Variants in SVOP observed in about 807,000 individuals in gnomAD.
The protein encoded by SVOP is SV2 related protein, also known as synaptic vesicle 2-related protein.
SVOP carries 17 observed loss-of-function variants against 69.1 expected under a neutral mutation model. The observed-to-expected ratio is 0.25, with a 90% CI of 0.17 to 0.37. The LOEUF is 0.37. Among genes scored for constraint, SVOP ranks in the 10% least tolerant of loss-of-function variants. SVOP has a pLI of 1.00. For synonymous variants in SVOP, 238 were observed against 238.6 expected, an observed-to-expected ratio of 1.00 and a Z score of 0.02; for missense variants, 435 against 597.5, an observed-to-expected ratio of 0.73 and a Z score of 2.84.
chr12:108,982,849 CACT>C (rs2040147317), intron 2 of SVOP, among the ~76,000 whole-genome samples: 33 of 135,416 alleles, frequency 2.4e-4, no homozygotes, highest in African/African-American at 3.4e-4. Context: ...TCATCATCAT[CACT>C]ATCATCACCA....
intron 7 of SVOP, among the ~76,000 whole-genome samples, chr12:108,941,644 G>A (rs754994842): frequency 2.6e-5 from 4 of 151,654 alleles, no homozygotes; most frequent in African/African-American, 9.7e-5. Context: ...ATTTGCAAAC[G>A]TGAAAGTCTG....
At chr12:108,978,869 A>G (rs2040120683) in intron 2 of SVOP, among the ~76,000 whole-genome samples, 1 of 152,260 alleles carries the variant, frequency 6.6e-6, no homozygotes, top group African/African-American at 2.4e-5. Flanking sequence ...AAAAACCCAG[A>G]ATGTCCATCA....
intron 7 of SVOP, 81 bp from the exon 8 acceptor site, chr12:108,940,990 G>C: frequency 6.7e-7 from 1 of 1,484,820 alleles, no homozygotes; most frequent in Non-Finnish European, 9.0e-7. Context: ...GTGGACAAGG[G>C]TATCTCTGTG....
At chr12:108,966,678 C>T (rs1360736948) in intron 5 of SVOP, among the ~76,000 whole-genome samples, 1 of 152,070 alleles carries the variant, frequency 6.6e-6, no homozygotes, top group African/African-American at 2.4e-5. Context: ...TTTCTCTTTC[C>T]CTCTGGTCAG....
intron 6 of SVOP, among the ~76,000 whole-genome samples, chr12:108,956,863 A>T (rs2039988453): frequency 6.6e-6 from 1 of 152,124 alleles, no homozygotes; most frequent in East Asian, 1.9e-4. Flanking sequence ...ATGGAACAGG[A>T]CTCTGAAGGT....
intron 1 of SVOP, among the ~76,000 whole-genome samples, chr12:108,984,187 C>A (rs1046265941): frequency 5.3e-5 from 8 of 152,114 alleles, no homozygotes; most frequent in African/African-American, 1.2e-4. Context: ...AAAGTGGATG[C>A]CATTTTTTAG....
At chr12:108,927,576 A>ACTCT (rs1318775125) in intron 11 of SVOP, among the ~76,000 whole-genome samples, 4 of 131,654 alleles carry the variant, frequency 3.0e-5, no homozygotes, top group African/African-American at 1.1e-4. Flanking sequence ...AATGACAAAG[A>ACTCT]CTCTCTCTCT....
chr12:108,960,659 C>G (rs1006652121), intron 6 of SVOP, among the ~76,000 whole-genome samples: 1 of 152,180 alleles, frequency 6.6e-6, no homozygotes, highest in African/African-American at 2.4e-5. Context: ...CCAAGTGGAA[C>G]AGTCAATCAA....
intron 2 of SVOP, 140 bp from the exon 3 acceptor site, chr12:108,978,803 T>C: frequency 1.8e-6 from 1 of 570,472 alleles, no homozygotes; most frequent in Non-Finnish European, 3.1e-6. Flanking sequence ...TAGAAAAATA[T>C]TCCAGTGTGA....
chr12:108,913,158 G>A (rs2039695354), intron 15 of SVOP, among the ~76,000 whole-genome samples: 2 of 151,830 alleles, frequency 1.3e-5, no homozygotes, highest in South Asian at 4.2e-4. Flanking sequence ...CGCAACCTCC[G>A]CCTTCAGGGT....
chr12:108,961,123 G>T, intron 5 of SVOP, 76 bp from the exon 6 acceptor site: 1 of 1,457,576 alleles, frequency 6.9e-7, no homozygotes, highest in South Asian at 1.4e-5. Flanking sequence ...ACTGAGAGCC[G>T]CCGATAATGG....
rs761653706 is a variant in SVOP at position 108,938,861 on chromosome 12, G to A, written c.863C>T (p.Pro288Leu). 1.2e-6 allele frequency: 2 copies of A among 1,614,004 alleles called. No individual in the cohort carries two copies. The highest frequency in any genetic ancestry group is 1.7e-6 in the Non-Finnish European group (2 of 1,179,892). The change falls in exon 9 of 16, where the codon CCC (proline) becomes CTC (leucine). Residue 288 changes from proline to leucine, a missense_variant. Transcript: ENST00000610966. ...GATGATGAGTTTCCCCAGCGGCATGGGAGCTCCGTTTTCAGTTGCTATCCT... is the reference window on the plus strand; with the variant it reads ...GATGATGAGTTTCCCCAGCGGCATGAGAGCTCCGTTTTCAGTTGCTATCCT... ...LKRIATENGA[P>L]MPLGKLIISR...
At chr12:109,016,223 G>T (rs999792610) in intron 1 of SVOP, among the ~76,000 whole-genome samples, 1 of 152,260 alleles carries the variant, frequency 6.6e-6, no homozygotes, top group Admixed American at 6.5e-5. Context: ...GCCTTGGGGA[G>T]AAGAAGGCTT....
intron 11 of SVOP, among the ~76,000 whole-genome samples, 163 bp downstream of exon 11, chr12:108,934,032 C>T (rs2039840545): frequency 6.6e-6 from 1 of 152,180 alleles, no homozygotes; most frequent in Non-Finnish European, 1.5e-5. Context: ...TTAGCTCCAT[C>T]GCGACAAGAC....
Position 109,009,322 on chromosome 12 carries a change from C to T in SVOP, c.35+11512G>A, listed in dbSNP as rs140302690. Among the ~76,000 whole-genome samples the T allele has an allele frequency of 4.5e-3, 680 of 152,220 alleles. 9 individuals carry two copies. Among genetic ancestry groups the T allele is most frequent in the African/African-American group, 0.016 (651 of 41,552 alleles). Reference sequence around the variant, plus strand: ...AACAACCATACAGAGGGGACCCTCTCTGTGTCAGATTTGAGTTCTTGCCCC... The same window carrying T: ...AACAACCATACAGAGGGGACCCTCTTTGTGTCAGATTTGAGTTCTTGCCCC... On this transcript the variant is annotated intron_variant, in intron 1 of 15. Coordinates refer to ENST00000610966, the MANE Select transcript of SVOP (RefSeq NM_018711.5).
intron 1 of SVOP, among the ~76,000 whole-genome samples, chr12:109,010,035 A>G (rs895439844): frequency 2.0e-5 from 3 of 150,010 alleles, no homozygotes; most frequent in African/African-American, 7.4e-5. Flanking sequence ...AGGCGGGAGG[A>G]TTGCTAGAGC....
chr12:108,950,254 T>C (rs2039946848), intron 6 of SVOP, among the ~76,000 whole-genome samples: 1 of 151,634 alleles, frequency 6.6e-6, no homozygotes, highest in Admixed American at 6.6e-5. Context: ...TCTTTTTTTT[T>C]TTTTTGTAGA....
chr12:109,008,566 C>A (rs938946910), intron 1 of SVOP, among the ~76,000 whole-genome samples: 42 of 152,114 alleles, frequency 2.8e-4, no homozygotes, highest in Non-Finnish European at 1.0e-4. Context: ...TAGCTTATAT[C>A]CTGGACAAAA....
chr12:108,950,190 G>A (rs892230250), intron 6 of SVOP, among the ~76,000 whole-genome samples: 1 of 151,514 alleles, frequency 6.6e-6, no homozygotes, highest in African/African-American at 2.4e-5. Flanking sequence ...AGGCTCCCAA[G>A]TAGCTGGGAT....
Sources: allele counts gnomAD v4.1 joint callset (sites outside exome capture counted in the v4.1 genomes callset), GRCh38; gene constraint gnomAD v4.1.1; transcripts MANE v1.5; gene names NCBI Gene and HGNC (gene_info 2026-07-23, HGNC 2026-07-21).